The following VPS8 variants were observed in gnomAD, a reference collection of about 807,000 sequenced individuals.
The protein encoded by VPS8 is vacuolar protein sorting-associated protein 8 homolog.
VPS8 carries 129 observed loss-of-function variants against 216.4 expected under a neutral mutation model. That is an observed-to-expected ratio of 0.60 (90% CI 0.52 to 0.69). The LOEUF (loss-of-function observed/expected upper bound fraction) is 0.69, where lower values mean the gene tolerates loss of function less well. Ranked by LOEUF, VPS8 falls within the 30% of genes least tolerant of loss-of-function variation. VPS8 has a pLI of 0.00. For synonymous variants in VPS8, 571 were observed against 565.4 expected, an observed-to-expected ratio of 1.01 and a Z score of -0.14; for missense variants, 1,531 against 1,683.5, an observed-to-expected ratio of 0.91 and a Z score of 1.59.
At chr3:184,899,769 A>G (rs1168286694) in intron 24 of VPS8, among the ~76,000 whole-genome samples, 5 of 152,162 alleles carry the variant, frequency 3.3e-5, no homozygotes, top group East Asian at 1.9e-4. Context: ...TAATCCCTCA[A>G]AACAGATTCT....
chr3:184,984,344 A>G (rs1247153199), intron 42 of VPS8, among the ~76,000 whole-genome samples: 5 of 137,336 alleles, frequency 3.6e-5, no homozygotes, highest in Non-Finnish European at 7.7e-5. Flanking sequence ...CCCAGGCTGG[A>G]GTGCAATGGT....
At position 184,929,728 on chromosome 3, in the gene VPS8, A is replaced by G. The variant is rs553964503; in HGVS notation, c.2799+64A>G. 7 of 962,838 alleles carry G rather than the reference A, an allele frequency of 7.3e-6. No homozygotes were observed. In the South Asian group the frequency reaches 7.6e-5, roughly 11 times the overall value. The allele number at this position is 962,838 out of a possible 1,614,324, so 59.6% of individuals were successfully genotyped here. On this transcript the variant is annotated intron_variant, in intron 33 of 47. Coordinates refer to ENST00000625842, the MANE Select transcript of VPS8 (RefSeq NM_001009921.3). ...ACTTTCCCTCTTATTGAGTACAAAT[A>G]ACTGTTGAGTAGAAATATTTGCGCA...
Position 185,009,985 on chromosome 3 carries a change from CAAAAAAAAAAAA to C in VPS8, c.4002+10134_4002+10145del, listed in dbSNP as rs11367805. On this transcript the variant is annotated intron_variant, in intron 45 of 47. Transcript: ENST00000625842. ...CTGTGTGAGGAAACTACTTCAGGTCCAAAAAAAAAAAAAAAAAAAAAGGTGCCACCCAAAAGG... is the reference window on the plus strand; with the variant it reads ...CTGTGTGAGGAAACTACTTCAGGTCCAAAAAAAAAGGTGCCACCCAAAAGG... 1.8e-4 allele frequency among the ~76,000 whole-genome samples: 16 copies of C among 91,402 alleles called. No individual in the cohort carries two copies. In the South Asian group the frequency reaches 2.7e-3, roughly 15 times the overall value. 60.0% of individuals were successfully genotyped at this position (91,402 alleles called of 152,430 possible).
intron 22 of VPS8, among the ~76,000 whole-genome samples, chr3:184,894,138 AAT>A (rs1278555404): frequency 6.6e-6 from 1 of 152,186 alleles, no homozygotes; most frequent in Non-Finnish European, 1.5e-5. Context: ...TTCCATGAAT[AAT>A]CACTAGCCAA....
At chr3:184,894,511 T>C (rs1198631957) in intron 22 of VPS8, among the ~76,000 whole-genome samples, 192 bp from the exon 23 acceptor site, 5 of 130,088 alleles carry the variant, frequency 3.8e-5, no homozygotes, top group Non-Finnish European at 6.6e-5. Context: ...TACACACGTA[T>C]ATATATATAT....
intron 46 of VPS8, among the ~76,000 whole-genome samples, chr3:185,029,620 A>G (rs564225937): frequency 6.7e-5 from 10 of 150,040 alleles, no homozygotes; most frequent in Non-Finnish European, 1.2e-4. Context: ...CTTGGAGTGC[A>G]GTGGTGTGAT....
rs535465447 is a variant in VPS8 at position 184,837,773 on chromosome 3, A to AAGG, written c.448-938_448-936dup. 5.3e-5 allele frequency among the ~76,000 whole-genome samples: 8 copies of AAGG among 152,326 alleles called. No homozygotes were observed. The East Asian group carries it at 1.5e-3, about 29-fold the overall frequency. On this transcript the variant is annotated intron_variant, in intron 5 of 47. Transcript: ENST00000625842. ...AGAAAAGAAGATGTGTAAGTGATAC[A>AAGG]AGGAGCCTGTCCTGGGATTTGGAAG... is the stretch of plus-strand genomic sequence containing the variant.
chr3:185,006,222 C>G (rs1754228899), intron 45 of VPS8, among the ~76,000 whole-genome samples: 1 of 152,046 alleles, frequency 6.6e-6, no homozygotes, highest in Non-Finnish European at 1.5e-5. Flanking sequence ...GTAAAAAGAT[C>G]TAGTGGGTTA....
At position 184,853,849 on chromosome 3, in the gene VPS8, A is replaced by G. The variant is rs550800765; in HGVS notation, c.822-8A>G. The G allele has an allele frequency of 6.4e-7, 1 of 1,560,556 alleles. No homozygotes were observed. Among genetic ancestry groups the G allele is most frequent in the South Asian group, 1.2e-5 (1 of 84,830 alleles). On this transcript the variant is annotated splice_polypyrimidine_tract_variant and splice_region_variant and intron_variant, in intron 11 of 47. Coordinates refer to ENST00000625842, the MANE Select transcript of VPS8 (RefSeq NM_001009921.3). The stretch of plus-strand genomic sequence containing the variant: ...AATTGATTCTGAATTTTCAAATTGC[A>G]TTTTCAGGAGAGTGATGGGAGTGAG...
At chr3:184,967,241 G>A (rs1264605182) in intron 39 of VPS8, among the ~76,000 whole-genome samples, 1 of 152,130 alleles carries the variant, frequency 6.6e-6, no homozygotes, top group African/African-American at 2.4e-5. Context: ...TGAGATTGTA[G>A]ACATAAGCCA....
At chr3:184,834,606 C>T in intron 4 of VPS8, 43 bp from the exon 5 acceptor site, 1 of 1,461,212 alleles carries the variant, frequency 6.8e-7, no homozygotes, top group Non-Finnish European at 9.1e-7. Flanking sequence ...CTCCTTTTCA[C>T]TATTTTTATC....
intron 8 of VPS8, among the ~76,000 whole-genome samples, chr3:184,846,858 G>A (rs954838345): frequency 2.0e-5 from 3 of 152,214 alleles, no homozygotes; most frequent in Admixed American, 1.3e-4. Flanking sequence ...ACTATACAGC[G>A]TGGTTCTGAT....
At chr3:185,016,700 G>C (rs939583899) in intron 45 of VPS8, among the ~76,000 whole-genome samples, 2 of 152,168 alleles carry the variant, frequency 1.3e-5, no homozygotes, top group African/African-American at 4.8e-5. Context: ...TGAATTAATG[G>C]CTCTTAAATC....
Position 184,993,983 on chromosome 3 carries a change from G to T in VPS8, c.3586G>T (p.Asp1196Tyr). The change falls in exon 43 of 48, where the codon GAT becomes TAT. Residue 1196 changes from aspartate to tyrosine, a missense_variant and splice_region_variant. Asp to Tyr is a radical substitution (Grantham distance 160). Transcript: ENST00000625842. ...LPSILQRILQDPVYGKGKLGE... is the reference protein window; with the variant it reads ...LPSILQRILQYPVYGKGKLGE... ...CAGAATTGTAATTTTTTCCGATTAG[G>T]ATCCAGTTTATGGAAAAGGAAAACT... is the stretch of plus-strand genomic sequence containing the variant. 1 of 1,550,518 alleles carries T rather than the reference G, an allele frequency of 6.4e-7. No homozygotes were observed. The highest frequency in any genetic ancestry group is 8.7e-7 in the Non-Finnish European group (1 of 1,149,470).
chr3:184,966,748 C>T (rs1747469896), intron 39 of VPS8, 35 bp downstream of exon 39: 2 of 1,463,098 alleles, frequency 1.4e-6, no homozygotes, highest in South Asian at 1.3e-5. Flanking sequence ...CATTTTTCAT[C>T]CTTGGACCCC....
At chr3:185,000,173 G>A (rs1405905723) in intron 45 of VPS8, among the ~76,000 whole-genome samples, 1 of 152,202 alleles carries the variant, frequency 6.6e-6, no homozygotes, top group Non-Finnish European at 1.5e-5. Context: ...AGCTTAGCAA[G>A]TACAGCTGAG....
intron 21 of VPS8, among the ~76,000 whole-genome samples, chr3:184,878,807 A>G (rs1052903558): frequency 2.6e-5 from 4 of 152,200 alleles, no homozygotes; most frequent in Admixed American, 2.6e-4. Flanking sequence ...AATCTAATCT[A>G]TATTGCTGTT....
In VPS8 at chr3:184,913,562, G is replaced by A. The variant is rs780458579; in HGVS notation, c.2189+1G>A. ...GCAATAAGCTCCTTGTATATATTAG[G>A]TAAGATTGTTTTATTTATTCATCTG... On this transcript the variant is annotated splice_donor_variant, in intron 26 of 47. Transcript: ENST00000625842. LOFTEE classifies it high-confidence loss of function. 1.3e-6 allele frequency: 2 copies of A among 1,568,236 alleles called. No homozygotes were observed. Among genetic ancestry groups the A allele is most frequent in the East Asian group, 2.3e-5 (1 of 44,030 alleles).
At chr3:184,846,858 G>T (rs954838345) in intron 8 of VPS8, among the ~76,000 whole-genome samples, 1 of 152,214 alleles carries the variant, frequency 6.6e-6, no homozygotes, top group Non-Finnish European at 1.5e-5. Flanking sequence ...ACTATACAGC[G>T]TGGTTCTGAT....
Sources: allele counts gnomAD v4.1 joint callset (sites outside exome capture counted in the v4.1 genomes callset), GRCh38; gene constraint gnomAD v4.1.1; transcripts MANE v1.5; gene names NCBI Gene and HGNC (gene_info 2026-07-23, HGNC 2026-07-21).